Variants in FIGN observed in about 807,000 individuals in gnomAD.
FIGN encodes fidgetin.
Under a neutral mutation model 51.3 loss-of-function variants are expected in FIGN, and 11 were observed. The observed-to-expected ratio is 0.21, with a 90% CI of 0.13 to 0.35. FIGN has a LOEUF of 0.35. Ranked by LOEUF, FIGN falls within the 10% of genes least tolerant of loss-of-function variation. The pLI, the probability that FIGN is intolerant of heterozygous loss-of-function variation, is 1.00. For synonymous variants in FIGN, 407 were observed against 363.2 expected (o/e 1.12, Z -1.37); for missense variants, 857 against 943.6 (o/e 0.91, Z 1.20).
Position 163,720,991 on chromosome 2 carries a change from T to C in FIGN, c.25+13912A>G, listed in dbSNP as rs530557520. On this transcript the variant is annotated intron_variant, in intron 2 of 2. Transcript: ENST00000333129. ...GGGTCAAAATAAATAAATAAGTAAA[T>C]AAAAAGAAAGGGAAGGAAGGAGGAA... Among the ~76,000 whole-genome samples, 27 of 151,558 alleles carry C rather than the reference T, an allele frequency of 1.8e-4. 1 individual carries two copies. The highest frequency in any genetic ancestry group is 6.5e-4 in the African/African-American group (27 of 41,232).
intron 2 of FIGN, among the ~76,000 whole-genome samples, chr2:163,709,487 A>G (rs1398099898): frequency 2.0e-5 from 3 of 152,194 alleles, no homozygotes; most frequent in Non-Finnish European, 2.9e-5. Flanking sequence ...CAGATAATCA[A>G]GCAGACCTTA....
At chr2:163,676,523 A>T (rs977114884) in intron 2 of FIGN, among the ~76,000 whole-genome samples, 2 of 145,064 alleles carry the variant, frequency 1.4e-5, no homozygotes, top group Non-Finnish European at 3.0e-5. Context: ...ACATAGTTTT[A>T]TACTAATCTA....
chr2:163,615,457 AT>A (rs1308656675), intron 2 of FIGN, among the ~76,000 whole-genome samples: 1 of 152,126 alleles, frequency 6.6e-6, no homozygotes, highest in Non-Finnish European at 1.5e-5. Flanking sequence ...TGGTAACCAA[AT>A]TTATTTTTTT....
At chr2:163,671,517 A>G (rs1453340425) in intron 2 of FIGN, among the ~76,000 whole-genome samples, 1 of 152,212 alleles carries the variant, frequency 6.6e-6, no homozygotes, top group East Asian at 1.9e-4. Context: ...GTAGATTTAC[A>G]GTCATTTACA....
At chr2:163,655,764 C>T (rs1282474526) in intron 2 of FIGN, among the ~76,000 whole-genome samples, 2 of 150,424 alleles carry the variant, frequency 1.3e-5, no homozygotes, top group Admixed American at 6.6e-5. Context: ...CACTACACTA[C>T]ATACATAAAC....
chr2:163,660,865 A>ATG lies in FIGN; in HGVS notation c.26-49060_26-49059insCA, dbSNP rs1240998008. The stretch of plus-strand genomic sequence containing the variant: ...TACATATATATATGTATACATATAT[A>ATG]TATATATATATATATTTTTTTTTTT... On this transcript the variant is annotated intron_variant, in intron 2 of 2. Coordinates refer to ENST00000333129, the MANE Select transcript of FIGN (RefSeq NM_018086.4). Among the ~76,000 whole-genome samples the ATG allele has an allele frequency of 1.6e-3, 40 of 24,656 alleles. 10 individuals carry two copies. The highest frequency in any genetic ancestry group is 6.1e-3 in the African/African-American group (37 of 6,100). The allele number at this position is 24,656 out of a possible 152,430, so 16.2% of individuals were successfully genotyped here. A position where few individuals can be genotyped will look rare whatever the true frequency, so the allele number is the denominator to read the frequency against.
At chr2:163,643,125 A>G (rs1347439118) in intron 2 of FIGN, among the ~76,000 whole-genome samples, 1 of 152,212 alleles carries the variant, frequency 6.6e-6, no homozygotes, top group East Asian at 1.9e-4. Context: ...TCTCAATTTC[A>G]AAACTTACTA....
intron 2 of FIGN, among the ~76,000 whole-genome samples, chr2:163,728,399 C>A (rs1200121109): frequency 7.9e-4 from 2 of 2,536 alleles, no homozygotes; most frequent in Admixed American, 3.6e-3. Flanking sequence ...AACCATTAAA[C>A]ACACACACAC....
chr2:163,695,431 G>A lies in FIGN; in HGVS notation c.25+39472C>T, dbSNP rs73974376. Among the ~76,000 whole-genome samples, 403 of 151,996 alleles carry A rather than the reference G, an allele frequency of 2.7e-3. 1 individual carries two copies. The highest frequency in any genetic ancestry group is 9.3e-3 in the African/African-American group (387 of 41,456). On this transcript the variant is annotated intron_variant, in intron 2 of 2. Transcript: ENST00000333129. ...ACCTTCTCTTATTAGTGATGCCCTCGGCATCATGCCTCTGCTCAAATATCA... is the reference window on the plus strand; with the variant it reads ...ACCTTCTCTTATTAGTGATGCCCTCAGCATCATGCCTCTGCTCAAATATCA...
intron 2 of FIGN, among the ~76,000 whole-genome samples, chr2:163,621,877 C>T (rs1682978649): frequency 6.6e-6 from 1 of 152,102 alleles, no homozygotes; most frequent in African/African-American, 2.4e-5. Context: ...TGCCCAACAA[C>T]CTAACCCATG....
At chr2:163,684,603 T>G (rs1573948594) in intron 2 of FIGN, among the ~76,000 whole-genome samples, 1 of 152,290 alleles carries the variant, frequency 6.6e-6, no homozygotes, top group South Asian at 2.1e-4. Context: ...CAGGTACATG[T>G]CCCCACTTTA....
At chr2:163,730,812 GA>G (rs530171279) in intron 2 of FIGN, among the ~76,000 whole-genome samples, 111 of 152,242 alleles carry the variant, frequency 7.3e-4, no homozygotes, top group Non-Finnish European at 1.2e-3. Flanking sequence ...AACATCTGCA[GA>G]ATAGTTTCTT....
chr2:163,660,760 CATAT>C lies in FIGN; in HGVS notation c.26-48958_26-48955del, dbSNP rs1190727296. On this transcript the variant is annotated intron_variant, in intron 2 of 2. Transcript: ENST00000333129. ...ATACATATATATGTATACACATATA[CATAT>C]ATATGTATACACATATACATATATA... Among the ~76,000 whole-genome samples the C allele has an allele frequency of 2.2e-5, 2 of 90,850 alleles. 1 individual carries two copies. The highest frequency in any genetic ancestry group is 8.6e-5 in the African/African-American group (2 of 23,192). The allele number at this position is 90,850 out of a possible 152,430, so 59.6% of individuals were successfully genotyped here.
intron 2 of FIGN, among the ~76,000 whole-genome samples, chr2:163,681,877 C>T (rs1265159931): frequency 6.6e-6 from 1 of 152,176 alleles, no homozygotes; most frequent in Non-Finnish European, 1.5e-5. Context: ...TCCAGAAACA[C>T]TCTTTTTTCT....
chr2:163,636,693 C>T (rs1443535385), intron 2 of FIGN, among the ~76,000 whole-genome samples: 1 of 152,096 alleles, frequency 6.6e-6, no homozygotes, highest in Non-Finnish European at 1.5e-5. Context: ...TATATCCCCT[C>T]CATTTTCCCA....
intron 2 of FIGN, among the ~76,000 whole-genome samples, chr2:163,700,783 T>G (rs1439100120): frequency 6.6e-6 from 1 of 152,158 alleles, no homozygotes; most frequent in Non-Finnish European, 1.5e-5. Flanking sequence ...CTAAAACTAC[T>G]GATGGCTTTT....
chr2:163,614,285 C>T (rs551837121), intron 2 of FIGN, among the ~76,000 whole-genome samples: 1 of 152,234 alleles, frequency 6.6e-6, no homozygotes, highest in Admixed American at 6.5e-5. Flanking sequence ...AATGAAGCAG[C>T]ATTTCAGGAA....
At position 163,609,852 on chromosome 2, in the gene FIGN, C is replaced by G; in HGVS notation, c.1980G>C (p.Gln660His). ...GCTGTGAGAGCAGTTGTACTATTAT[C>G]TGGTGCCTCGCTGTGCTGTCAGGAA... ...IPLPDSTARH[Q>H]IIVQLLSQHN... Residue 660 changes from glutamine to histidine, a missense_variant, in exon 3 of 3, where the codon CAG (glutamine) becomes CAC (histidine). By Grantham distance (24) the Gln-to-His change is conservative (BLOSUM62 0). Transcript: ENST00000333129. The G allele has an allele frequency of 6.2e-7, 1 of 1,614,162 alleles. No individual in the cohort carries two copies. The highest frequency in any genetic ancestry group is 1.1e-5 in the South Asian group (1 of 91,084).
rs1234434846 is a variant in FIGN at position 163,607,066 on chromosome 2, T to C, written c.*2486A>G. The C allele has an allele frequency of 6.6e-6, 1 of 152,228 alleles. No homozygotes were observed. Among genetic ancestry groups the C allele is most frequent in the African/African-American group, 2.4e-5 (1 of 41,458 alleles). The allele number at this position is 152,228 out of a possible 1,614,324, so 9.4% of individuals were successfully genotyped here. On this transcript the variant is annotated 3_prime_UTR_variant, in exon 3 of 3. Transcript: ENST00000333129. ...TGGGTCAATATTGGATTTTCCAAAG[T>C]TGTCTAAATAAGACTGGGTTTGTCA...
Sources: allele counts gnomAD v4.1 joint callset (sites outside exome capture counted in the v4.1 genomes callset), GRCh38; gene constraint gnomAD v4.1.1; transcripts MANE v1.5; gene names NCBI Gene and HGNC (gene_info 2026-07-23, HGNC 2026-07-21).